Variants in LTBP1 observed in about 807,000 individuals in gnomAD.
The protein encoded by LTBP1 is latent-transforming growth factor beta-binding protein 1.
Under a neutral mutation model 207.6 loss-of-function variants are expected in LTBP1, and 129 were observed. The ratio of observed to expected loss-of-function variants is 0.62; its 90% CI spans 0.54 to 0.72. The LOEUF (loss-of-function observed/expected upper bound fraction) is 0.72. LTBP1 is among the 30% of genes least tolerant of loss of function. The pLI, the probability that LTBP1 is intolerant of heterozygous loss-of-function variation, is 0.00. For missense variants in LTBP1, 2,281 were observed against 2,217.2 expected (o/e 1.03, Z -0.58); for synonymous variants, 963 against 833.7 (o/e 1.16, Z -2.67).
At chr2:33,119,650 G>A (rs534257132) in intron 4 of LTBP1, among the ~76,000 whole-genome samples, 3 of 152,186 alleles carry the variant, frequency 2.0e-5, no homozygotes, top group Admixed American at 6.5e-5. Context: ...TCCGCCTCCC[G>A]GGTTCATGCC....
intron 5 of LTBP1, among the ~76,000 whole-genome samples, chr2:33,169,907 C>A (rs78716381): frequency 0.015 from 2,255 of 152,180 alleles, 23 homozygotes; most frequent in East Asian, 0.027. Context: ...TAAAGACATG[C>A]AAAATCAGCA....
intron 18 of LTBP1, among the ~76,000 whole-genome samples, chr2:33,279,203 C>G (rs992334490): frequency 6.6e-6 from 1 of 152,172 alleles, no homozygotes; most frequent in African/African-American, 2.4e-5. Context: ...ATTTCAAATG[C>G]AGCTAGAAGC....
chr2:32,998,275 T>C (rs1165360331), intron 2 of LTBP1, among the ~76,000 whole-genome samples: 1 of 151,888 alleles, frequency 6.6e-6, no homozygotes, highest in Non-Finnish European at 1.5e-5. Context: ...CCCAGCACTC[T>C]GGGAGGCTGA....
intron 26 of LTBP1, among the ~76,000 whole-genome samples, chr2:33,358,921 C>T (rs1051468336): frequency 6.6e-6 from 1 of 152,162 alleles, no homozygotes; most frequent in South Asian, 2.1e-4. Context: ...AAGATCCGTT[C>T]CGTTAAGAGT....
intron 7 of LTBP1, among the ~76,000 whole-genome samples, chr2:33,203,130 G>C (rs140298690): frequency 6.6e-6 from 1 of 152,126 alleles, no homozygotes; most frequent in Non-Finnish European, 1.5e-5. Context: ...CCTTACCTGC[G>C]TCAACAGCTG....
chr2:33,254,118 G>A (rs565048220), intron 11 of LTBP1, among the ~76,000 whole-genome samples: 38 of 151,774 alleles, frequency 2.5e-4, no homozygotes, highest in African/African-American at 8.7e-4. Flanking sequence ...TCCTGACCTC[G>A]TGGTCTGCCG....
intron 3 of LTBP1, among the ~76,000 whole-genome samples, chr2:33,069,593 G>T (rs141696403): frequency 1.5e-3 from 226 of 152,318 alleles, no homozygotes; most frequent in African/African-American, 5.2e-3. Context: ...CCTGGAAGTT[G>T]TCAGTCAAGA....
intron 3 of LTBP1, among the ~76,000 whole-genome samples, chr2:33,081,447 T>C (rs2078392453): frequency 6.6e-6 from 1 of 152,024 alleles, no homozygotes; most frequent in African/African-American, 2.4e-5. Context: ...TGGTATTTGA[T>C]CTAGGAATTG....
At chr2:33,355,449 A>G (rs2094846360) in intron 26 of LTBP1, among the ~76,000 whole-genome samples, 1 of 152,160 alleles carries the variant, frequency 6.6e-6, no homozygotes, top group South Asian at 2.1e-4. Flanking sequence ...ACATAATACT[A>G]TATAAATGAC....
chr2:32,959,617 A>ATTTTTTTTTT (rs1373102884), intron 2 of LTBP1, among the ~76,000 whole-genome samples: 7 of 38,550 alleles, frequency 1.8e-4, no homozygotes, highest in Admixed American at 5.2e-4. Context: ...ATATATATAT[A>ATTTTTTTTTT]TATATTTTTT....
chr2:33,006,454 G>A (rs1226336848), intron 2 of LTBP1, among the ~76,000 whole-genome samples: 1 of 147,298 alleles, frequency 6.8e-6, no homozygotes, highest in East Asian at 2.0e-4. Context: ...CGCAATCTTG[G>A]CTCACTGCAC....
chr2:33,342,989 G>A (rs369134297), intron 25 of LTBP1, 26 bp downstream of exon 25: 224 of 1,603,408 alleles, frequency 1.4e-4, no homozygotes, highest in Non-Finnish European at 1.8e-4. Flanking sequence ...TTTTCCCAAC[G>A]TGTTTCACAT....
intron 24 of LTBP1, among the ~76,000 whole-genome samples, chr2:33,339,896 C>T (rs930017767): frequency 5.3e-5 from 8 of 152,006 alleles, no homozygotes; most frequent in Non-Finnish European, 1.2e-4. Flanking sequence ...CTGCCTGTCT[C>T]GGCCTCCCAA....
At chr2:33,258,098 C>A (rs1204554660) in intron 12 of LTBP1, among the ~76,000 whole-genome samples, 1 of 152,188 alleles carries the variant, frequency 6.6e-6, no homozygotes, top group Non-Finnish European at 1.5e-5. Context: ...CACGGAGCAC[C>A]TTTTCCCAAG....
At chr2:33,232,033 G>A (rs1453207969) in intron 9 of LTBP1, among the ~76,000 whole-genome samples, 1 of 152,178 alleles carries the variant, frequency 6.6e-6, no homozygotes, top group Admixed American at 6.5e-5. Flanking sequence ...AAAAGTAAAA[G>A]TGTATCACCA....
intron 7 of LTBP1, 33 bp from the exon 8 acceptor site, chr2:33,217,519 T>C: frequency 6.6e-7 from 1 of 1,516,950 alleles, no homozygotes; most frequent in Non-Finnish European, 9.2e-7. Flanking sequence ...CTGCACTCAA[T>C]TAACCTTCAT....
chr2:33,339,767 TCCCAAGTAAC>T (rs2094594916), intron 24 of LTBP1, among the ~76,000 whole-genome samples: 1 of 151,764 alleles, frequency 6.6e-6, no homozygotes. Flanking sequence ...TGCCTCAGCC[TCCCAAGTAAC>T]TGGGATTACA....
At chr2:33,014,424 A>G (rs1289528696) in intron 2 of LTBP1, among the ~76,000 whole-genome samples, 1 of 152,172 alleles carries the variant, frequency 6.6e-6, no homozygotes, top group Non-Finnish European at 1.5e-5. Context: ...ACTTAGTGTT[A>G]TTGAATGACT....
chr2:33,085,570 T>TG (rs1181083115), intron 3 of LTBP1, among the ~76,000 whole-genome samples: 1 of 152,236 alleles, frequency 6.6e-6, no homozygotes, highest in Non-Finnish European at 1.5e-5. Context: ...GCTTTTTGTG[T>TG]GTCAAGCATT....
Sources: gnomAD v4.1 joint callset for allele counts (sites outside exome capture counted in the v4.1 genomes callset) on GRCh38, gnomAD v4.1.1 for gene constraint, MANE v1.5 for transcripts, NCBI Gene and HGNC (gene_info 2026-07-23, HGNC 2026-07-21) for gene names.